Variants in AAMDC observed in about 807,000 individuals in gnomAD.
The protein encoded by AAMDC is adipogenesis associated Mth938 domain containing, also known as mth938 domain-containing protein.
AAMDC carries 16 observed loss-of-function variants against 15.5 expected under a neutral mutation model. That is an observed-to-expected ratio of 1.03 (90% CI 0.70 to 1.57). The LOEUF (loss-of-function observed/expected upper bound fraction) is 1.57, where lower values mean the gene tolerates loss of function less well. Among genes scored for constraint, AAMDC ranks in the 40% most tolerant of loss-of-function variants. The pLI is 0.00. For missense variants in AAMDC, 141 were observed against 144.9 expected (o/e 0.97, Z 0.14); for synonymous variants, 51 against 51.6 (o/e 0.99, Z 0.05).
intron 5 of AAMDC, among the ~76,000 whole-genome samples, chr11:77,895,590 A>C (rs1317401098): frequency 1.3e-5 from 2 of 149,530 alleles, no homozygotes; most frequent in Admixed American, 6.8e-5. Context: ...CTAATCTTCT[A>C]CCAGAAATGG....
At chr11:77,884,751 C>A (rs779288099) in intron 5 of AAMDC, 6 of 382,746 alleles carry the variant, frequency 1.6e-5, no homozygotes, top group South Asian at 1.0e-4. Context: ...TTCTACACTT[C>A]TTTCTTTCTT....
At chr11:77,869,668 T>C (rs1951319104) in intron 2 of AAMDC, 54 bp from the exon 3 acceptor site, 3 of 1,504,924 alleles carry the variant, frequency 2.0e-6, no homozygotes, top group East Asian at 2.3e-5. Context: ...AGAATGCCTA[T>C]TGCAATGAAA....
At chr11:77,879,830 G>A (rs1317931556) in intron 5 of AAMDC, among the ~76,000 whole-genome samples, 5 of 152,154 alleles carry the variant, frequency 3.3e-5, no homozygotes, top group African/African-American at 1.2e-4. Context: ...GTACTGAGGA[G>A]GAGCGCAGGA....
At chr11:77,823,172 G>A (rs2136018667) in intron 1 of AAMDC, among the ~76,000 whole-genome samples, 1 of 125,894 alleles carries the variant, frequency 7.9e-6, no homozygotes, top group South Asian at 2.5e-4. Context: ...CCAAGGTTGT[G>A]CCACTGCACT....
At chr11:77,839,134 TTTAA>T (rs1398339094) in intron 1 of AAMDC, among the ~76,000 whole-genome samples, 4 of 152,208 alleles carry the variant, frequency 2.6e-5, no homozygotes, top group Non-Finnish European at 5.9e-5. Context: ...CAGTTTCTTT[TTTAA>T]TTAATTAATT....
intron 2 of AAMDC, chr11:77,866,373 A>G (rs561964461): frequency 6.6e-6 from 1 of 152,378 alleles, no homozygotes; most frequent in African/African-American, 2.4e-5. Flanking sequence ...GAAGAGCCTT[A>G]GTGATTTGCC....
intron 1 of AAMDC, among the ~76,000 whole-genome samples, chr11:77,828,683 A>G (rs547501751): frequency 3.2e-4 from 48 of 152,138 alleles, no homozygotes; most frequent in East Asian, 1.2e-3. Context: ...AAAAAAAAAA[A>G]AAAGAAAGAA....
intron 2 of AAMDC, among the ~76,000 whole-genome samples, chr11:77,857,565 ATTTTG>A (rs1357747955): frequency 2.6e-5 from 4 of 151,964 alleles, no homozygotes; most frequent in South Asian, 2.1e-4. Flanking sequence ...GACTCTGATT[ATTTTG>A]TTTTATTTAT....
At chr11:77,832,045 ACTGTT>A (rs1255632740) in intron 1 of AAMDC, 2 of 151,296 alleles carry the variant, frequency 1.3e-5, no homozygotes, top group Non-Finnish European at 2.9e-5. Flanking sequence ...AAATTATGTC[ACTGTT>A]CTGTTGACAA....
At chr11:77,876,741 G>A (rs1951605335), downstream of AAMDC, among the ~76,000 whole-genome samples, 1 of 149,512 alleles carries the variant, frequency 6.7e-6, no homozygotes, top group Non-Finnish European at 1.5e-5. Flanking sequence ...TTTTAAGACA[G>A]GATCAAGTCC....
intron 5 of AAMDC, among the ~76,000 whole-genome samples, chr11:77,895,434 T>C (rs1952468154): frequency 7.3e-6 from 1 of 136,192 alleles, no homozygotes; most frequent in African/African-American, 2.8e-5. Context: ...CAGCAGTCAA[T>C]AAGTATTTGC....
At chr11:77,897,806 T>C (rs1352235329) in intron 5 of AAMDC, among the ~76,000 whole-genome samples, 1 of 151,222 alleles carries the variant, frequency 6.6e-6, no homozygotes, top group Non-Finnish European at 1.5e-5. Flanking sequence ...CACCCAGCCA[T>C]ATTATTGTTA....
At chr11:77,902,334 T>C (rs1171398272), downstream of AAMDC, among the ~76,000 whole-genome samples, 1 of 152,172 alleles carries the variant, frequency 6.6e-6, no homozygotes, top group Non-Finnish European at 1.5e-5. Flanking sequence ...ATTCCTTTCC[T>C]CTTTTCCTTC....
chr11:77,874,051 G>C (rs942434549), downstream of AAMDC, among the ~76,000 whole-genome samples: 1 of 152,188 alleles, frequency 6.6e-6, no homozygotes, highest in Non-Finnish European at 1.5e-5. Flanking sequence ...AGCTGAAACA[G>C]TATGGAAAGT....
intron 5 of AAMDC, among the ~76,000 whole-genome samples, chr11:77,880,598 T>A (rs1278609301): frequency 6.6e-6 from 1 of 152,034 alleles, no homozygotes; most frequent in Non-Finnish European, 1.5e-5. Context: ...CCTGCCACAC[T>A]CTCCCATTCC....
chr11:77,887,003 T>A (rs1393710300), intron 5 of AAMDC, among the ~76,000 whole-genome samples: 1 of 150,544 alleles, frequency 6.6e-6, no homozygotes, highest in African/African-American at 2.4e-5. Flanking sequence ...GCAGGAAAGA[T>A]CCAAAATTGA....
At chr11:77,877,117 A>G (rs1396386731), downstream of AAMDC, 7 of 689,490 alleles carry the variant, frequency 1.0e-5, no homozygotes, top group Admixed American at 1.4e-4. Context: ...TTTCGCACTC[A>G]TGACCTCGTG....
intron 2 of AAMDC, among the ~76,000 whole-genome samples, chr11:77,845,457 C>G (rs988311179): frequency 2.0e-5 from 3 of 151,450 alleles, no homozygotes; most frequent in Non-Finnish European, 2.9e-5. Flanking sequence ...GGGGGATAGA[C>G]TATTGCTCTG....
At chr11:77,878,561 C>A in intron 5 of AAMDC, 1 of 510,922 alleles carries the variant, frequency 2.0e-6, no homozygotes, top group South Asian at 3.5e-5. Flanking sequence ...GACAAACACA[C>A]CGTCACTTTA....
Sources: allele counts gnomAD v4.1 joint callset (sites outside exome capture counted in the v4.1 genomes callset), GRCh38; gene constraint gnomAD v4.1.1; transcripts MANE v1.5; gene names NCBI Gene and HGNC (gene_info 2026-07-23, HGNC 2026-07-21).